BRD1: variants seen among roughly 807,000 people sequenced by gnomAD.
BRD1 encodes the protein bromodomain containing 1.
Under a neutral mutation model 107.7 loss-of-function variants are expected in BRD1, and 24 were observed. The ratio of observed to expected loss-of-function variants is 0.22; its 90% CI spans 0.16 to 0.31. The LOEUF (loss-of-function observed/expected upper bound fraction) is 0.31. Ranked by LOEUF, BRD1 falls within the 10% of genes least tolerant of loss-of-function variation. The pLI, the probability that BRD1 is intolerant of heterozygous loss-of-function variation, is 1.00. For missense variants in BRD1, 1,279 were observed against 1,638.6 expected (o/e 0.78, Z 3.79); for synonymous variants, 744 against 686.1 (o/e 1.08, Z -1.32).
At chr22:49,819,761 A>G (rs890191749) in intron 2 of BRD1, among the ~76,000 whole-genome samples, 5 of 151,862 alleles carry the variant, frequency 3.3e-5, no homozygotes, top group African/African-American at 1.2e-4. Context: ...CCTGTTTTTC[A>G]AAGTGTTTAT....
intron 3 of BRD1, among the ~76,000 whole-genome samples, chr22:49,802,995 C>T (rs2059670191): frequency 6.6e-6 from 1 of 152,256 alleles, no homozygotes; most frequent in African/African-American, 2.4e-5. Context: ...CATGGACAGA[C>T]ACACAGTGGG....
At chr22:49,793,583 T>A (rs1373201365) in intron 7 of BRD1, among the ~76,000 whole-genome samples, 2 of 152,174 alleles carry the variant, frequency 1.3e-5, no homozygotes, top group African/African-American at 4.8e-5. Flanking sequence ...GTGCCAATAA[T>A]CTAAAACAGC....
Position 49,823,886 on chromosome 22 carries a change from C to T in BRD1, c.432G>A (p.Glu144=). 6.2e-7 allele frequency: 1 copy of T among 1,614,238 alleles called. No homozygotes were observed. The highest frequency in any genetic ancestry group is 1.6e-4 in the Middle Eastern group (1 of 6,062). ...RRPPVYYKFI[E]KSAEELDNEV... is the part of the protein sequence containing the mutation. ...CGTTGTCCAGTTCCTCGGCCGACTT[C>T]TCGATGAACTTGTAGTACACAGGAG... The change falls in exon 2 of 13, where the codon GAG becomes GAA. Residue 144 remains glutamate (E), a synonymous_variant. Coordinates refer to ENST00000404760, the MANE Select transcript of BRD1 (RefSeq NM_001304808.3).
At chr22:49,818,714 C>T (rs556029270) in intron 2 of BRD1, among the ~76,000 whole-genome samples, 9 of 152,152 alleles carry the variant, frequency 5.9e-5, no homozygotes, top group Non-Finnish European at 2.9e-5. Context: ...GGTGAAACCC[C>T]GTCTCTACTA....
At chr22:49,782,125 G>A (rs567292400) in intron 8 of BRD1, among the ~76,000 whole-genome samples, 3 of 145,082 alleles carry the variant, frequency 2.1e-5, no homozygotes, top group Admixed American at 1.4e-4. Context: ...CCAAGGCCCA[G>A]GCCAGACGCC....
chr22:49,821,970 G>A (rs2060075841), intron 2 of BRD1, among the ~76,000 whole-genome samples: 1 of 152,246 alleles, frequency 6.6e-6, no homozygotes, highest in Non-Finnish European at 1.5e-5. Context: ...GCAGCAAGTG[G>A]GGGGCACAGC....
chr22:49,812,867 C>T (rs892648576), intron 2 of BRD1, among the ~76,000 whole-genome samples: 7 of 151,664 alleles, frequency 4.6e-5, no homozygotes, highest in East Asian at 1.9e-4. Flanking sequence ...GACAAGGTGC[C>T]GCCCACTGTA....
intron 2 of BRD1, chr22:49,818,252 G>A: frequency 2.4e-6 from 3 of 1,251,204 alleles, no homozygotes; most frequent in Non-Finnish European, 3.1e-6. Context: ...TGAGGCTGAA[G>A]TCCAGGCTCT....
intron 2 of BRD1, chr22:49,817,319 A>G (rs1854366436): frequency 5.0e-6 from 1 of 198,950 alleles, no homozygotes; most frequent in Admixed American, 4.5e-5. Context: ...CCAAAGAGAA[A>G]TAAAAAGAGG....
intron 9 of BRD1, 144 bp downstream of exon 9, chr22:49,777,534 G>A (rs2059124543): frequency 4.4e-6 from 5 of 1,128,176 alleles, no homozygotes; most frequent in South Asian, 1.5e-5. Context: ...CTGTCCACAA[G>A]GGCAGAGCAC....
Position 49,824,429 on chromosome 22 carries a change from C to T in BRD1, c.-14-98G>A. ...CTTGGACAGATCTAGCTCAGCAGCTCAAAGCCCAATCAAAGCAAAACTCAC... is the reference window on the plus strand; with the variant it reads ...CTTGGACAGATCTAGCTCAGCAGCTTAAAGCCCAATCAAAGCAAAACTCAC... On this transcript the variant is annotated intron_variant, in intron 1 of 12. Coordinates refer to ENST00000404760, the MANE Select transcript of BRD1 (RefSeq NM_001304808.3). The surrounding 1 kb of genome is among the most constrained non-coding windows in gnomAD (Gnocchi z 5.9). 2 of 1,500,056 alleles carry T rather than the reference C, an allele frequency of 1.3e-6. No homozygotes were observed. The highest frequency in any genetic ancestry group is 8.8e-7 in the Non-Finnish European group (1 of 1,132,396). 92.9% of individuals were successfully genotyped at this position (1,500,056 alleles called of 1,614,324 possible).
intron 2 of BRD1, among the ~76,000 whole-genome samples, chr22:49,811,843 G>A (rs979711140): frequency 1.3e-5 from 2 of 152,200 alleles, no homozygotes; most frequent in East Asian, 1.9e-4. Flanking sequence ...AGCCGGCGGT[G>A]CTGAGTCTCC....
rs145976298 is a variant in BRD1, at chr22:49,807,366, C to T, written c.1368-3006G>A. The stretch of plus-strand genomic sequence containing the variant: ...AAAGTCACGCTTCCTGACTTCAGAA[C>T]TTACCACAAAGCTACGGTCATCAAA... On this transcript the variant is annotated intron_variant, in intron 2 of 12. Transcript: ENST00000404760. Among the ~76,000 whole-genome samples, 37 of 152,310 alleles carry T rather than the reference C, an allele frequency of 2.4e-4. 1 individual carries two copies. Among genetic ancestry groups the T allele is most frequent in the African/African-American group, 4.6e-4 (19 of 41,560 alleles).
chr22:49,820,461 C>T (rs2060044182), intron 2 of BRD1, among the ~76,000 whole-genome samples: 1 of 152,162 alleles, frequency 6.6e-6, no homozygotes, highest in Admixed American at 6.5e-5. Context: ...ATGGGCCAGG[C>T]ACAGTGGCTC....
rs994931863 is a variant in BRD1 at position 49,774,014 on chromosome 22, C to T, written c.*219G>A. 1.0e-5 allele frequency: 5 copies of T among 489,480 alleles called. No individual in the cohort carries two copies. The highest frequency in any genetic ancestry group is 7.9e-5 in the African/African-American group (4 of 50,320). 30.3% of individuals were successfully genotyped at this position (489,480 alleles called of 1,614,324 possible). Reference sequence around the variant, plus strand: ...GCCAGCAGCACGGCCTGGGGACGTGCGACAGACGCACTGGGCTGCCCGGAC... The same window carrying T: ...GCCAGCAGCACGGCCTGGGGACGTGTGACAGACGCACTGGGCTGCCCGGAC... On this transcript the variant is annotated 3_prime_UTR_variant, in exon 13 of 13. Transcript: ENST00000404760.
At chr22:49,777,007 C>T in intron 10 of BRD1, 27 bp downstream of exon 10, 1 of 1,612,316 alleles carries the variant, frequency 6.2e-7, no homozygotes. Flanking sequence ...GTGTGGAGAG[C>T]CATGGAGGCA....
At chr22:49,818,072 CTTCCT>C (rs1378975210) in intron 2 of BRD1, 1 of 317,142 alleles carries the variant, frequency 3.2e-6, no homozygotes, top group Non-Finnish European at 4.6e-6. Flanking sequence ...TGATGCTTCC[CTTCCT>C]AAGGCTGACC....
In BRD1 at chr22:49,823,889, G is replaced by A. The variant is rs767978825; in HGVS notation, c.429C>T (p.Ile143=). 1.3e-5 allele frequency: 21 copies of A among 1,614,072 alleles called. 1 individual carries two copies. The highest frequency in any genetic ancestry group is 1.1e-4 in the African/African-American group (8 of 74,922). Residue 143 remains isoleucine, a synonymous_variant, in exon 2 of 13, where the codon ATC becomes ATT. Coordinates refer to ENST00000404760, the MANE Select transcript of BRD1 (RefSeq NM_001304808.3). ...PRRPPVYYKF[I]EKSAEELDNE... is the part of the protein sequence containing the mutation. ...TGTCCAGTTCCTCGGCCGACTTCTC[G>A]ATGAACTTGTAGTACACAGGAGGCC...
rs1034514439 is a variant in BRD1 at position 49,782,281 on chromosome 22, A to G, written c.2858-4468T>C. On this transcript the variant is annotated intron_variant, in intron 8 of 12. Transcript: ENST00000404760. The stretch of plus-strand genomic sequence containing the variant: ...GAGACAGAACCAAGGCCCAGGCCAG[A>G]CGCCTGCACGAGACCTGCTCTTGCT... 3.5e-5 allele frequency among the ~76,000 whole-genome samples: 5 copies of G among 143,152 alleles called. No homozygotes were observed. The South Asian group carries it at 1.1e-3, about 33-fold the overall frequency. 93.9% of individuals were successfully genotyped at this position (143,152 alleles called of 152,430 possible). A position where few individuals can be genotyped will look rare whatever the true frequency, so the allele number is the denominator to read the frequency against.
Sources: allele counts gnomAD v4.1 joint callset (sites outside exome capture counted in the v4.1 genomes callset), GRCh38; gene constraint gnomAD v4.1.1; non-coding constraint Gnocchi (gnomAD v3.1); transcripts MANE v1.5; gene names NCBI Gene and HGNC (gene_info 2026-07-23, HGNC 2026-07-21).